NMRK1: variants seen among roughly 807,000 people sequenced by gnomAD.
The protein encoded by NMRK1 is NRK 1.
In NMRK1, 28 loss-of-function variants were observed where a neutral mutation model predicts 29.9. The observed-to-expected ratio is 0.94, with a 90% CI of 0.69 to 1.28. NMRK1 has a LOEUF of 1.28. Among genes scored for constraint, NMRK1 ranks in the 50% most tolerant of loss-of-function variants. The pLI, the probability that NMRK1 is intolerant of heterozygous loss-of-function variation, is 0.00. For synonymous variants in NMRK1, 58 were observed against 73.0 expected, an observed-to-expected ratio of 0.79 and a Z score of 1.05; for missense variants, 218 against 233.1, an observed-to-expected ratio of 0.94 and a Z score of 0.42.
chr9:75,066,799 G>T lies in NMRK1; in HGVS notation c.538C>A (p.Gln180Lys). ...GTKSEEDLFL[Q>K]VYEDLIQELA... Reference sequence around the variant, plus strand: ...TCTTGTATTAGATCTTCATATACTTGCAAAAAGAGGTCCTCTTCAGATTTT... The same window carrying T: ...TCTTGTATTAGATCTTCATATACTTTCAAAAAGAGGTCCTCTTCAGATTTT... The change falls in exon 8 of 9, where the codon CAA becomes AAA. Residue 180 changes from glutamine to lysine, a missense_variant. Gln to Lys is a moderately conservative substitution (Grantham distance 53). Transcript: ENST00000361092. 1 of 1,607,912 alleles carries T rather than the reference G, an allele frequency of 6.2e-7. No homozygotes were observed. The highest frequency in any genetic ancestry group is 8.5e-7 in the Non-Finnish European group (1 of 1,175,552).
chr9:75,079,536 G>A (rs1399942235), intron 2 of NMRK1, among the ~76,000 whole-genome samples: 1 of 152,192 alleles, frequency 6.6e-6, no homozygotes, highest in African/African-American at 2.4e-5. Context: ...AAGCTAATGA[G>A]AAATACACAC....
intron 2 of NMRK1, 33 bp from the exon 3 acceptor site, chr9:75,077,613 G>A: frequency 6.9e-7 from 1 of 1,457,374 alleles, no homozygotes; most frequent in African/African-American, 1.4e-5. Context: ...TACCAAGAAG[G>A]AAAATGCATT....
At chr9:75,079,775 A>C (rs550837299) in intron 2 of NMRK1, among the ~76,000 whole-genome samples, 55 of 152,112 alleles carry the variant, frequency 3.6e-4, no homozygotes, top group African/African-American at 1.3e-3. Flanking sequence ...GGAATGGGGG[A>C]ATAGGATGGG....
rs189549676 is a variant in NMRK1, at chr9:75,062,506, T to C, written c.581-939A>G. The stretch of plus-strand genomic sequence containing the variant: ...ACTCAGCCTTGATTTTTTTTTTAAC[T>C]GGAAGAGCTACTTAGTTTCATTATA... On this transcript the variant is annotated intron_variant, in intron 8 of 8. Coordinates refer to ENST00000361092, the MANE Select transcript of NMRK1 (RefSeq NM_017881.3). Among the ~76,000 whole-genome samples the C allele has an allele frequency of 3.7e-3, 561 of 152,282 alleles. 2 individuals are homozygous for C. Among genetic ancestry groups the C allele is most frequent in the African/African-American group, 0.013 (532 of 41,566 alleles).
intron 8 of NMRK1, among the ~76,000 whole-genome samples, chr9:75,062,924 T>G (rs11144213): frequency 2.6e-5 from 4 of 152,048 alleles, no homozygotes; most frequent in Admixed American, 2.0e-4. Context: ...CCCAGCTACT[T>G]GGGAGGCTGA....
intron 2 of NMRK1, among the ~76,000 whole-genome samples, chr9:75,079,682 G>A (rs1029491480): frequency 2.0e-5 from 3 of 152,172 alleles, no homozygotes; most frequent in Non-Finnish European, 2.9e-5. Context: ...TCCTGGTCAG[G>A]TGACAGCTCA....
At chr9:75,074,456 G>A (rs926889164) in intron 4 of NMRK1, among the ~76,000 whole-genome samples, 15 of 151,418 alleles carry the variant, frequency 9.9e-5, no homozygotes, top group Admixed American at 3.3e-4. Context: ...GGCATATCTC[G>A]GCTCACTATA....
intron 2 of NMRK1, among the ~76,000 whole-genome samples, chr9:75,081,820 G>C (rs1824338932): frequency 6.6e-6 from 1 of 152,194 alleles, no homozygotes; most frequent in African/African-American, 2.4e-5. Flanking sequence ...TGACCTAGGG[G>C]AAGAGAAGCA....
Position 75,069,767 on chromosome 9 carries a change from A to G in NMRK1, c.364T>C (p.Tyr122His). Reference sequence around the variant, plus strand: ...CTCCTCCTCCTTTTACATTCTTCATATGGAATAGTCAGGAAATAGCTTCTA... The same window carrying G: ...CTCCTCCTCCTTTTACATTCTTCATGTGGAATAGTCAGGAAATAGCTTCTA... Reference protein sequence around the residue: ...WNRSYFLTIPYEECKRRRSTR... With the variant: ...WNRSYFLTIPHEECKRRRSTR... The change falls in exon 6 of 9, where the codon TAT becomes CAT. Residue 122 changes from tyrosine to histidine, a missense_variant. Physicochemically the swap from Tyr to His is moderately conservative, Grantham distance 83. Transcript: ENST00000361092. The G allele has an allele frequency of 6.2e-7, 1 of 1,612,392 alleles. No individual in the cohort carries two copies. Among genetic ancestry groups the G allele is most frequent in the Non-Finnish European group, 8.5e-7 (1 of 1,179,128 alleles).
intron 6 of NMRK1, 161 bp downstream of exon 6, chr9:75,069,581 A>C (rs1823575163): frequency 1.6e-6 from 1 of 633,486 alleles, no homozygotes; most frequent in Non-Finnish European, 2.7e-6. Flanking sequence ...CATGCGGATG[A>C]CCATTTATGG....
chr9:75,075,164 A>G (rs1486809599), intron 4 of NMRK1, among the ~76,000 whole-genome samples: 1 of 152,258 alleles, frequency 6.6e-6, no homozygotes, highest in Non-Finnish European at 1.5e-5. Context: ...GACTGCTTCT[A>G]TGAAGAGCTT....
rs780866345 is a variant in NMRK1 at position 75,069,803 on chromosome 9, T to C, written c.328A>G (p.Thr110Ala). 1.4e-5 allele frequency: 23 copies of C among 1,612,854 alleles called. No individual in the cohort carries two copies. The highest frequency in any genetic ancestry group is 1.9e-5 in the Non-Finnish European group (22 of 1,179,336). ...FLLFNYKPLD[T>A]IWNRSYFLTI... ...AGGAAATAGCTTCTATTCCATATAG[T>C]GTCAAGGGGCCTAAAATAACAGCAT... is the stretch of plus-strand genomic sequence containing the variant. Residue 110 changes from threonine to alanine, a missense_variant, in exon 6 of 9, where the codon ACT becomes GCT. Physicochemically the swap from Thr to Ala is moderately conservative, Grantham distance 58. Coordinates refer to ENST00000361092, the MANE Select transcript of NMRK1 (RefSeq NM_017881.3).
chr9:75,073,805 T>C (rs1823833614), intron 4 of NMRK1, among the ~76,000 whole-genome samples: 1 of 152,204 alleles, frequency 6.6e-6, no homozygotes, highest in African/African-American at 2.4e-5. Flanking sequence ...TTCTCTCCTC[T>C]TAGCTCTGTC....
intron 2 of NMRK1, among the ~76,000 whole-genome samples, chr9:75,077,850 G>T (rs1824094383): frequency 6.6e-6 from 1 of 152,054 alleles, no homozygotes; most frequent in Non-Finnish European, 1.5e-5. Flanking sequence ...TAGACAGGCT[G>T]GTCTGAAACT....
intron 8 of NMRK1, among the ~76,000 whole-genome samples, chr9:75,065,417 C>G (rs1823280257): frequency 6.6e-6 from 1 of 152,228 alleles, no homozygotes; most frequent in Admixed American, 6.5e-5. Flanking sequence ...GATCTGTCTG[C>G]CTCGGCCTCC....
chr9:75,067,335 T>TTG (rs3837219), intron 7 of NMRK1: 75,172 of 151,280 alleles, frequency 0.5, 19,823 homozygotes, highest in African/African-American at 0.69. Flanking sequence ...GTGTGTATGT[T>TTG]TGTGTGTGTG....
chr9:75,080,463 T>C (rs1824251889), intron 2 of NMRK1, among the ~76,000 whole-genome samples: 1 of 152,042 alleles, frequency 6.6e-6, no homozygotes, highest in African/African-American at 2.4e-5. Context: ...ACCAGCCTGG[T>C]CAACATGGTG....
In NMRK1 at chr9:75,077,504, C is replaced by T. The variant is rs376605166; in HGVS notation, c.106G>A (p.Asp36Asn). 3 of 1,607,984 alleles carry T rather than the reference C, an allele frequency of 1.9e-6. No homozygotes were observed. The highest frequency in any genetic ancestry group is 1.1e-5 in the South Asian group (1 of 90,870). The change falls in exon 3 of 9, where the codon GAT becomes AAT. Residue 36 changes from aspartate to asparagine, a missense_variant. By Grantham distance (23) the Asp-to-Asn change is conservative. Transcript: ENST00000361092. ...TTTATAGATACCTTGAAGAAATCAT[C>T]CTGAGATATGACACTGCAATTTGGG... is the stretch of plus-strand genomic sequence containing the variant. ...HLPNCSVISQ[D>N]DFFKPESEIE...
Position 75,078,600 on chromosome 9 carries a change from G to A in NMRK1, c.30-1020C>T, listed in dbSNP as rs138538378. ...GCTCATGTCTGTGAACATAAGTCAG[G>A]GCATCTGTGAACTTGAATGAGAAAA... is the stretch of plus-strand genomic sequence containing the variant. On this transcript the variant is annotated intron_variant, in intron 2 of 8. Coordinates refer to ENST00000361092, the MANE Select transcript of NMRK1 (RefSeq NM_017881.3). The A allele has an allele frequency of 3.7e-4, 449 of 1,225,752 alleles. 2 individuals are homozygous for A. The African/African-American group carries it at 5.7e-3, about 15-fold the overall frequency. 75.9% of individuals were successfully genotyped at this position (1,225,752 alleles called of 1,614,324 possible). A position where few individuals can be genotyped will look rare whatever the true frequency, so the allele number is the denominator to read the frequency against.
Sources: gnomAD v4.1 joint callset for allele counts (sites outside exome capture counted in the v4.1 genomes callset) on GRCh38, gnomAD v4.1.1 for gene constraint, MANE v1.5 for transcripts, NCBI Gene and HGNC (gene_info 2026-07-23, HGNC 2026-07-21) for gene names.